The following PHF21B variants were observed in gnomAD, a reference collection of about 807,000 sequenced individuals.
PHF21B encodes PHD finger protein 21B.
In PHF21B, 22 loss-of-function variants were observed where a neutral mutation model predicts 62.2. The observed-to-expected ratio is 0.35, with a 90% CI of 0.25 to 0.51. The LOEUF is 0.51. Among genes scored for constraint, PHF21B ranks in the 20% least tolerant of loss-of-function variants. PHF21B has a pLI of 0.97. For synonymous variants in PHF21B, 341 were observed against 314.7 expected (o/e 1.08, Z -0.88); for missense variants, 701 against 707.9 (o/e 0.99, Z 0.11).
intron 2 of PHF21B, among the ~76,000 whole-genome samples, chr22:44,953,689 G>A (rs2072238477): frequency 6.6e-6 from 1 of 152,160 alleles, no homozygotes; most frequent in South Asian, 2.1e-4. Flanking sequence ...GTGTGGGTGA[G>A]CAGAATTTTG....
At chr22:44,885,786 G>T in intron 11 of PHF21B, 77 bp downstream of exon 11, 1 of 1,442,572 alleles carries the variant, frequency 6.9e-7, no homozygotes, top group South Asian at 1.2e-5. Context: ...CCTCCCACAG[G>T]ACCAGGTGAG....
Position 44,893,479 on chromosome 22 carries a change from T to C in PHF21B, c.938A>G (p.Tyr313Cys), listed in dbSNP as rs1193180454. ...RKRRSTANPAYSGLLETERKR... is the reference protein window; with the variant it reads ...RKRRSTANPACSGLLETERKR... ...CACCTCGGTCTCCAGGAGGCCGCTGTAGGCAGGGTTGGCTGTGCTTCTTCT... is the reference window on the plus strand; with the variant it reads ...CACCTCGGTCTCCAGGAGGCCGCTGCAGGCAGGGTTGGCTGTGCTTCTTCT... Residue 313 changes from tyrosine to cysteine, a missense_variant, in exon 7 of 13, where the codon TAC (tyrosine) becomes TGC (cysteine). Coordinates refer to ENST00000313237, the MANE Select transcript of PHF21B (RefSeq NM_138415.5). 17 of 1,602,186 alleles carry C rather than the reference T, an allele frequency of 1.1e-5. No individual in the cohort carries two copies. The highest frequency in any genetic ancestry group is 1.4e-5 in the Non-Finnish European group (17 of 1,174,730).
chr22:44,881,718 G>A lies in PHF21B; in HGVS notation c.*1368C>T, dbSNP rs2070744347. 2.0e-5 allele frequency: 3 copies of A among 152,718 alleles called. No individual in the cohort carries two copies. The highest frequency in any genetic ancestry group is 2.4e-5 in the African/African-American group (1 of 41,462). 9.5% of individuals were successfully genotyped at this position (152,718 alleles called of 1,614,324 possible). On this transcript the variant is annotated 3_prime_UTR_variant, in exon 13 of 13. Transcript: ENST00000313237. ...CGTGCGATGCACACACGCGTGTTCA[G>A]TGCAATTCGGCACCATGTGATATGC...
At chr22:44,919,930 G>T (rs1026076841) in intron 3 of PHF21B, among the ~76,000 whole-genome samples, 2 of 152,212 alleles carry the variant, frequency 1.3e-5, no homozygotes, top group Non-Finnish European at 2.9e-5. Flanking sequence ...CCAGTCGGGG[G>T]GGACCCTGCA....
At chr22:44,946,895 G>A (rs1372550742) in intron 2 of PHF21B, among the ~76,000 whole-genome samples, 3 of 152,222 alleles carry the variant, frequency 2.0e-5, no homozygotes, top group Admixed American at 6.5e-5. Context: ...ACAGAAGGAT[G>A]GAGGGTAGCA....
intron 2 of PHF21B, among the ~76,000 whole-genome samples, chr22:44,964,799 C>T (rs531241096): frequency 1.3e-5 from 2 of 152,336 alleles, no homozygotes; most frequent in South Asian, 4.1e-4. Flanking sequence ...TCCTGGCCAC[C>T]TGACCTCCCG....
In PHF21B at chr22:44,993,440, G is replaced by T. The variant is rs569099009; in HGVS notation, c.120+15105C>A. Among the ~76,000 whole-genome samples, 7 of 152,298 alleles carry T rather than the reference G, an allele frequency of 4.6e-5. No homozygotes were observed. In the South Asian group the frequency reaches 1.5e-3, roughly 32 times the overall value. On this transcript the variant is annotated intron_variant, in intron 2 of 12. Transcript: ENST00000313237. ...CGGCACCGGCTCCATCCTCCCACCC[G>T]CCAGGGCTCTCCCACAGCCTAGAGG...
rs1474939325 is a variant in PHF21B, at chr22:44,947,544, TG to T, written c.121-27055del. On this transcript the variant is annotated intron_variant, in intron 2 of 12. Transcript: ENST00000313237. ...CTCCAGGTGTGCTGGGTGCATCTCC[TG>T]GGACAGGCTGGGCCCAGAGCACTCA... Among the ~76,000 whole-genome samples the T allele has an allele frequency of 6.6e-5, 10 of 152,318 alleles. No homozygotes were observed. In the East Asian group the frequency reaches 1.9e-3, roughly 29 times the overall value.
intron 2 of PHF21B, among the ~76,000 whole-genome samples, chr22:44,996,017 G>A (rs2073116554): frequency 1.3e-5 from 2 of 152,166 alleles, no homozygotes. Context: ...GGGGATATGT[G>A]GAAAGGCTGT....
rs1397635088 is a variant in PHF21B, at chr22:44,968,316, G to A, written c.120+40229C>T. The stretch of plus-strand genomic sequence containing the variant: ...AATGTTTACTCTGTACTTGGTCTAT[G>A]ATGCAACACATATTGAGTATCCCTT... On this transcript the variant is annotated intron_variant, in intron 2 of 12. Transcript: ENST00000313237. Among the ~76,000 whole-genome samples, 4 of 152,264 alleles carry A rather than the reference G, an allele frequency of 2.6e-5. No individual in the cohort carries two copies. The South Asian group carries it at 6.2e-4, about 24-fold the overall frequency.
intron 2 of PHF21B, among the ~76,000 whole-genome samples, chr22:44,926,177 A>G (rs990364901): frequency 9.2e-6 from 1 of 108,892 alleles, no homozygotes; most frequent in African/African-American, 3.0e-5. Context: ...TGACCCTGCA[A>G]TGGATTCCCA....
In PHF21B at chr22:45,009,364, C is replaced by T; in HGVS notation, c.54+132G>A. ...GTCCGCGCGTGTGCTCACTCCCTCG[C>T]CCCCCGCCCCCGGGCAGGCTCCAGC... On this transcript the variant is annotated intron_variant, in intron 1 of 12. Coordinates refer to ENST00000313237, the MANE Select transcript of PHF21B (RefSeq NM_138415.5). The surrounding 1 kb of genome is among the most constrained non-coding windows in gnomAD (Gnocchi z 5.9). The T allele has an allele frequency of 1.1e-6, 1 of 941,728 alleles. No individual in the cohort carries two copies. The highest frequency in any genetic ancestry group is 1.5e-6 in the Non-Finnish European group (1 of 658,068). 58.3% of individuals were successfully genotyped at this position (941,728 alleles called of 1,614,324 possible). A position where few individuals can be genotyped will look rare whatever the true frequency, so the allele number is the denominator to read the frequency against.
chr22:44,944,336 G>A (rs1025699271), intron 2 of PHF21B, among the ~76,000 whole-genome samples: 3 of 152,138 alleles, frequency 2.0e-5, no homozygotes, highest in South Asian at 2.1e-4. Context: ...AGGAGCCACC[G>A]CCCAGGAGCT....
chr22:44,981,421 T>G (rs2072840106), intron 2 of PHF21B, among the ~76,000 whole-genome samples: 1 of 152,340 alleles, frequency 6.6e-6, no homozygotes, highest in Admixed American at 6.5e-5. Context: ...TCTGCAGATC[T>G]GGCTATGGTC....
intron 2 of PHF21B, among the ~76,000 whole-genome samples, chr22:44,993,119 T>C (rs1425170169): frequency 1.3e-5 from 2 of 152,092 alleles, no homozygotes; most frequent in African/African-American, 4.8e-5. Flanking sequence ...AAATGCCACA[T>C]CCATGTGCGG....
chr22:44,977,752 A>ATTTT (rs112069200), intron 2 of PHF21B, among the ~76,000 whole-genome samples: 4 of 135,152 alleles, frequency 3.0e-5, no homozygotes, highest in African/African-American at 8.1e-5. Context: ...CTCATTTTTC[A>ATTTT]TTTTTTTTTT....
At chr22:44,930,033 C>T (rs932054458) in intron 2 of PHF21B, among the ~76,000 whole-genome samples, 2 of 152,218 alleles carry the variant, frequency 1.3e-5, no homozygotes, top group African/African-American at 2.4e-5. Context: ...TGGAAAACTT[C>T]CCAGCAGCCA....
At chr22:44,941,867 G>A (rs2071965095) in intron 2 of PHF21B, among the ~76,000 whole-genome samples, 1 of 152,154 alleles carries the variant, frequency 6.6e-6, no homozygotes, top group East Asian at 1.9e-4. Context: ...CAGGTACAGG[G>A]GACACAGCAC....
intron 2 of PHF21B, among the ~76,000 whole-genome samples, chr22:45,005,926 G>A (rs911927327): frequency 1.1e-4 from 16 of 152,108 alleles, no homozygotes; most frequent in Non-Finnish European, 2.4e-4. Context: ...CAGGCTCTGG[G>A]GTGACCAAGT....
Sources: gnomAD v4.1 joint callset for allele counts (sites outside exome capture counted in the v4.1 genomes callset) on GRCh38, gnomAD v4.1.1 for gene constraint, Gnocchi (gnomAD v3.1) non-coding constraint, MANE v1.5 for transcripts, NCBI Gene and HGNC (gene_info 2026-07-23, HGNC 2026-07-21) for gene names.